CRHR1: variants seen among roughly 807,000 people sequenced by gnomAD.
CRHR1 encodes the protein corticotropin-releasing hormone receptor 1.
In CRHR1, 28 loss-of-function variants were observed where a neutral mutation model predicts 56.0. That is an observed-to-expected ratio of 0.50 (90% confidence interval 0.37 to 0.69). CRHR1 has a LOEUF of 0.69. Among genes scored for constraint, CRHR1 ranks in the 30% least tolerant of loss-of-function variants. The pLI, the probability that CRHR1 is intolerant of heterozygous loss-of-function variation, is 0.00. For missense variants in CRHR1, 376 were observed against 548.0 expected, an observed-to-expected ratio of 0.69 and a Z score of 3.13; for synonymous variants, 195 against 216.5, an observed-to-expected ratio of 0.90 and a Z score of 0.87.
In CRHR1 at chr17:45,833,456, A is replaced by G; in HGVS notation, c.848A>G (p.Asn283Ser). ...QGPMILVLLI[N>S]FIFLFNIVRI... The stretch of plus-strand genomic sequence containing the variant: ...GCTGGTGTGCTCAAATTGCAGATCA[A>G]TTTCATCTTCCTTTTCAACATCGTC... The change falls in exon 10 of 13, where the codon AAT (asparagine) becomes AGT (serine). Residue 283 changes from asparagine to serine, a missense_variant. Coordinates refer to ENST00000314537, the MANE Select transcript of CRHR1 (RefSeq NM_004382.5). The G allele has an allele frequency of 6.2e-7, 1 of 1,613,878 alleles. No homozygotes were observed. The highest frequency in any genetic ancestry group is 8.5e-7 in the Non-Finnish European group (1 of 1,179,974).
At chr17:45,798,730 C>T (rs1023460614) in intron 1 of CRHR1, among the ~76,000 whole-genome samples, 1 of 42,894 alleles carries the variant, frequency 2.3e-5, no homozygotes, top group South Asian at 7.6e-4. Context: ...GGAGTAGAGG[C>T]GTGAAGTAGC....
intron 2 of CRHR1, among the ~76,000 whole-genome samples, chr17:45,814,724 G>A (rs1187531337): frequency 1.3e-5 from 2 of 152,116 alleles, no homozygotes; most frequent in Non-Finnish European, 2.9e-5. Context: ...GCCTCGGATG[G>A]CCCTGCTTCC....
intron 3 of CRHR1, among the ~76,000 whole-genome samples, chr17:45,818,249 G>A (rs1253933200): frequency 6.6e-6 from 1 of 152,232 alleles, no homozygotes; most frequent in African/African-American, 2.4e-5. Context: ...AGGCTGCTGG[G>A]TGGGGCCGGC....
rs757790713 is a variant in CRHR1 at position 45,830,913 on chromosome 17, T to C, written c.743T>C (p.Ile248Thr). ...VPFPIIVAWA[I>T]GKLYYDNEKC... ...TTCCCCATCATTGTGGCCTGGGCCA[T>C]TGGGAAGCTGTACTACGACAATGAG... The change falls in exon 8 of 13, where the codon ATT becomes ACT. Residue 248 changes from isoleucine to threonine, a missense_variant. Around this residue, in one of 2 missense-constraint regions of CRHR1, gnomAD observed 369 missense variants for 519.5 expected, o/e 0.71. Transcript: ENST00000314537. 4.3e-6 allele frequency: 7 copies of C among 1,613,724 alleles called. No homozygotes were observed. Among genetic ancestry groups the C allele is most frequent in the Admixed American group, 1.7e-5 (1 of 59,984 alleles).
Position 45,834,738 on chromosome 17 carries a change from A to G in CRHR1, c.1222A>G (p.Ser408Gly). 6.2e-7 allele frequency: 1 copy of G among 1,613,810 alleles called. No individual in the cohort carries two copies. The highest frequency in any genetic ancestry group is 8.5e-7 in the Non-Finnish European group (1 of 1,179,988). The change falls in exon 13 of 13, where the codon AGC (serine) becomes GGC (glycine). Residue 408 changes from serine to glycine, a missense_variant. Transcript: ENST00000314537. ...CTCCCCAACCCGTGTCAGCTTTCAC[A>G]GCATCAAGCAGTCCACAGCAGTCTG... ...PTSPTRVSFH[S>G]IKQSTAV
Position 45,830,101 on chromosome 17 carries a change from C to A in CRHR1, c.442C>A (p.Arg148=). The A allele has an allele frequency of 6.2e-7, 1 of 1,614,112 alleles. No homozygotes were observed. The highest frequency in any genetic ancestry group is 8.5e-7 in the Non-Finnish European group (1 of 1,180,012). The change falls in exon 6 of 13, where the codon CGG becomes AGG. Residue 148 remains arginine (R), a synonymous_variant. Transcript: ENST00000314537. ...CCCGCCCTGCTGCACCAGGAGCATC[C>A]GGTGCCTGCGAAACATCATCCACTG... The part of the protein sequence containing the change: ...FVLFLRLRSI[R]CLRNIIHWNL...
chr17:45,827,354 GTGT>G (rs2062187351), intron 4 of CRHR1, among the ~76,000 whole-genome samples: 5 of 152,378 alleles, frequency 3.3e-5, no homozygotes, highest in Admixed American at 3.3e-4. Flanking sequence ...CAAGGCCGGG[GTGT>G]TGTGCCATGC....
chr17:45,802,067 G>A (rs2146293529), intron 1 of CRHR1, among the ~76,000 whole-genome samples: 1 of 151,652 alleles, frequency 6.6e-6, no homozygotes, highest in South Asian at 2.1e-4. Flanking sequence ...GCTCACTCCT[G>A]TAATCCCAGC....
At chr17:45,824,233 A>C (rs2062108209) in intron 4 of CRHR1, among the ~76,000 whole-genome samples, 1 of 152,100 alleles carries the variant, frequency 6.6e-6, no homozygotes, top group Admixed American at 6.5e-5. Flanking sequence ...GGTGGGAGGA[A>C]AGGAAACAGG....
intron 2 of CRHR1, among the ~76,000 whole-genome samples, chr17:45,812,322 G>A (rs888135371): frequency 1.3e-5 from 2 of 152,200 alleles, no homozygotes; most frequent in African/African-American, 4.8e-5. Context: ...TTTACCAGGA[G>A]AGGCACTGTG....
At chr17:45,799,269 T>C (rs1048058307) in intron 1 of CRHR1, 1 of 152,206 alleles carries the variant, frequency 6.6e-6, no homozygotes, top group African/African-American at 2.4e-5. Context: ...AACCACACAA[T>C]TGCGTGTGGG....
At chr17:45,817,681 C>T (rs1186991966) in intron 3 of CRHR1, among the ~76,000 whole-genome samples, 1 of 152,156 alleles carries the variant, frequency 6.6e-6, no homozygotes, top group Non-Finnish European at 1.5e-5. Flanking sequence ...AAGTGACTCC[C>T]CAGGGAGTGA....
chr17:45,802,252 G>A (rs549946270), intron 1 of CRHR1, among the ~76,000 whole-genome samples: 1 of 152,302 alleles, frequency 6.6e-6, no homozygotes, highest in Non-Finnish European at 1.5e-5. Context: ...TTGAACCCAG[G>A]AGACAGAGGT....
chr17:45,804,989 A>G (rs1040720067), intron 1 of CRHR1, among the ~76,000 whole-genome samples: 8 of 151,788 alleles, frequency 5.3e-5, no homozygotes, highest in African/African-American at 1.7e-4. Flanking sequence ...TAATTTTTGT[A>G]TTTTTAGTAG....
At chr17:45,797,766 G>A (rs1282328327) in intron 1 of CRHR1, among the ~76,000 whole-genome samples, 3 of 152,064 alleles carry the variant, frequency 2.0e-5, no homozygotes, top group Non-Finnish European at 4.4e-5. Flanking sequence ...CCAGCCCCAA[G>A]TTTAGAGATT....
At chr17:45,815,694 CT>C (rs2061913064) in intron 2 of CRHR1, among the ~76,000 whole-genome samples, 1 of 152,210 alleles carries the variant, frequency 6.6e-6, no homozygotes, top group African/African-American at 2.4e-5. Flanking sequence ...AGACAAGACA[CT>C]AAGGCCCAGA....
chr17:45,830,853 C>T (rs1461752581), intron 7 of CRHR1, 27 bp from the exon 8 acceptor site: 1 of 1,611,646 alleles, frequency 6.2e-7, no homozygotes, highest in South Asian at 1.1e-5. Flanking sequence ...CCGCTGAGGG[C>T]TCTGTGACAG....
intron 8 of CRHR1, among the ~76,000 whole-genome samples, chr17:45,832,179 C>T (rs1468004816): frequency 6.6e-6 from 1 of 152,210 alleles, no homozygotes; most frequent in Non-Finnish European, 1.5e-5. Flanking sequence ...TTGCAGTGAG[C>T]CAAGATCGTG....
intron 2 of CRHR1, among the ~76,000 whole-genome samples, chr17:45,814,537 T>G (rs1015030571): frequency 6.6e-6 from 1 of 152,230 alleles, no homozygotes; most frequent in African/African-American, 2.4e-5. Context: ...CATTGCCAGA[T>G]GTATGAAGAT....
Sources: allele counts gnomAD v4.1 joint callset (sites outside exome capture counted in the v4.1 genomes callset), GRCh38; gene constraint gnomAD v4.1.1; regional missense constraint gnomAD v4.1.1; transcripts MANE v1.5; gene names NCBI Gene and HGNC (gene_info 2026-07-23, HGNC 2026-07-21).